The following KYNU variants were observed in gnomAD, a reference collection of about 807,000 sequenced individuals.
The protein encoded by KYNU is kynureninase.
In KYNU, 54 loss-of-function variants were observed where a neutral mutation model predicts 59.2. The observed-to-expected ratio is 0.91, with a 90% CI of 0.73 to 1.14. KYNU has a LOEUF of 1.14. KYNU is among the 50% of genes most tolerant of loss of function. KYNU has a pLI of 0.00. For synonymous variants in KYNU, 177 were observed against 192.0 expected (o/e 0.92, Z 0.65); for missense variants, 567 against 554.4 (o/e 1.02, Z -0.23).
chr2:143,015,119 G>A (rs1686211557), intron 10 of KYNU, among the ~76,000 whole-genome samples: 1 of 152,062 alleles, frequency 6.6e-6, no homozygotes, highest in Non-Finnish European at 1.5e-5. Context: ...TCAAACTCCT[G>A]CCTTCAAGCA....
intron 4 of KYNU, among the ~76,000 whole-genome samples, chr2:142,948,680 T>C (rs1481662825): frequency 2.0e-5 from 3 of 152,170 alleles, no homozygotes; most frequent in African/African-American, 2.4e-5. Context: ...CTTGATTCAA[T>C]TACTTCCCAC....
At position 143,020,504 on chromosome 2, in the gene KYNU, C is replaced by T. The variant is rs573819862; in HGVS notation, c.903-9123C>T. Among the ~76,000 whole-genome samples the T allele has an allele frequency of 2.0e-5, 3 of 152,210 alleles. No individual in the cohort carries two copies. The East Asian group carries it at 5.8e-4, about 29-fold the overall frequency. Reference sequence around the variant, plus strand: ...TGATCAGAAAAGATACTTGATATGACTGCAACATTTTAAAAGTTGTTGAGA... The same window carrying T: ...TGATCAGAAAAGATACTTGATATGATTGCAACATTTTAAAAGTTGTTGAGA... On this transcript the variant is annotated intron_variant, in intron 10 of 13. Coordinates refer to ENST00000264170, the MANE Select transcript of KYNU (RefSeq NM_003937.3).
Position 143,049,615 on chromosome 2 carries a change from C to G in KYNU, c.*7443C>G, listed in dbSNP as rs1165839937. 6.6e-6 allele frequency: 1 copy of G among 152,216 alleles called. No homozygotes were observed. The highest frequency in any genetic ancestry group is 1.5e-5 in the Non-Finnish European group (1 of 68,072). 9.4% of individuals were successfully genotyped at this position (152,216 alleles called of 1,614,324 possible). On this transcript the variant is annotated 3_prime_UTR_variant, in exon 14 of 14. Coordinates refer to ENST00000264170, the MANE Select transcript of KYNU (RefSeq NM_003937.3). ...CTTTTGGTGATCCCCTTCACTTCCT[C>G]TGTTACAGGTTTCCCTGATGAGCAC...
intron 3 of KYNU, among the ~76,000 whole-genome samples, chr2:142,926,474 ATAAG>A (rs1214216912): frequency 6.6e-6 from 1 of 152,236 alleles, no homozygotes; most frequent in Non-Finnish European, 1.5e-5. Context: ...ATTACTTGGC[ATAAG>A]TAAGGAGGAC....
chr2:142,985,109 C>A lies in KYNU; in HGVS notation c.755C>A (p.Ala252Glu). The change falls in exon 9 of 14, where the codon GCA becomes GAA. Residue 252 changes from alanine to glutamate, a missense_variant. Transcript: ENST00000264170. ...AKGCYVGFDL[A>E]HAVGNVELYL... ...GGTTGTTATGTTGGCTTTGATCTAG[C>A]ACATGCAGTTGGAAATGTTGAACTC... 6.2e-7 allele frequency: 1 copy of A among 1,610,108 alleles called. No individual in the cohort carries two copies. Among genetic ancestry groups the A allele is most frequent in the Non-Finnish European group, 8.5e-7 (1 of 1,176,842 alleles).
rs186791359 is a variant in KYNU at position 142,915,196 on chromosome 2, A to G, written c.170-3413A>G. 1.1e-3 allele frequency among the ~76,000 whole-genome samples: 160 copies of G among 152,338 alleles called. No individual in the cohort carries two copies. In the Middle Eastern group the frequency reaches 0.014, roughly 13 times the overall value. On this transcript the variant is annotated intron_variant, in intron 2 of 13. Transcript: ENST00000264170. The stretch of plus-strand genomic sequence containing the variant: ...GGTGGTAGTGAGCAGATCGTGAGAC[A>G]TCAGCTTAAGTATTCATTAACTACT...
intron 4 of KYNU, among the ~76,000 whole-genome samples, chr2:142,929,512 T>C (rs147605980): frequency 3.3e-5 from 5 of 152,220 alleles, no homozygotes; most frequent in Admixed American, 3.3e-4. Context: ...CTGTAAAATA[T>C]TCTGAGCCAA....
chr2:142,877,676 A>C lies in KYNU; in HGVS notation c.-80A>C, dbSNP rs1681143181. 1.3e-5 allele frequency: 2 copies of C among 152,090 alleles called. No homozygotes were observed. The highest frequency in any genetic ancestry group is 4.8e-5 in the African/African-American group (2 of 41,420). The allele number at this position is 152,090 out of a possible 1,614,324, so 9.4% of individuals were successfully genotyped here. On this transcript the variant is annotated 5_prime_UTR_variant, in exon 1 of 14. Transcript: ENST00000264170. ...AGATCTGGCCTGTACATTTTCAAGG[A>C]ATTCTTGAGAGGTTCTTGGAGAGAT...
intron 2 of KYNU, among the ~76,000 whole-genome samples, chr2:142,916,862 G>C (rs1682683013): frequency 6.6e-6 from 1 of 152,162 alleles, no homozygotes; most frequent in Admixed American, 6.6e-5. Context: ...AACAGGACAT[G>C]TGTTAATCAA....
chr2:142,914,944 T>C (rs1379807915), intron 2 of KYNU, among the ~76,000 whole-genome samples: 2 of 152,214 alleles, frequency 1.3e-5, no homozygotes, highest in East Asian at 3.8e-4. Context: ...CTGCAGGCTC[T>C]AAGAGCCGGG....
chr2:142,902,730 T>A (rs1307043441), intron 2 of KYNU, among the ~76,000 whole-genome samples: 1 of 152,206 alleles, frequency 6.6e-6, no homozygotes, highest in Non-Finnish European at 1.5e-5. Flanking sequence ...ACAAGGTTTT[T>A]TCAACAGGCA....
At chr2:143,038,708 C>A (rs1282540658) in intron 12 of KYNU, among the ~76,000 whole-genome samples, 1 of 152,110 alleles carries the variant, frequency 6.6e-6, no homozygotes, top group African/African-American at 2.4e-5. Flanking sequence ...CAGTTCCCAG[C>A]CTCTCCTTCA....
chr2:142,956,191 A>G lies in KYNU; in HGVS notation c.436-12A>G. 6.8e-7 allele frequency: 1 copy of G among 1,460,728 alleles called. No homozygotes were observed. The highest frequency in any genetic ancestry group is 1.1e-5 in the South Asian group (1 of 87,568). 90.5% of individuals were successfully genotyped at this position (1,460,728 alleles called of 1,614,324 possible). A position where few individuals can be genotyped will look rare whatever the true frequency, so the allele number is the denominator to read the frequency against. ...GTATTAATGCTTTCTCAATAAATCC[A>G]TTTTATTGCAGTTATCATTTTTTAA... On this transcript the variant is annotated splice_polypyrimidine_tract_variant and intron_variant, in intron 5 of 13. Coordinates refer to ENST00000264170, the MANE Select transcript of KYNU (RefSeq NM_003937.3).
chr2:143,021,427 T>A (rs1235795570), intron 10 of KYNU, among the ~76,000 whole-genome samples: 4 of 152,202 alleles, frequency 2.6e-5, no homozygotes, highest in African/African-American at 9.7e-5. Context: ...TTTCTCACAT[T>A]GCTATAAAGA....
At chr2:142,986,778 A>G (rs1447850184) in intron 10 of KYNU, among the ~76,000 whole-genome samples, 1 of 151,738 alleles carries the variant, frequency 6.6e-6, no homozygotes, top group East Asian at 1.9e-4. Context: ...GAGACTGTCT[A>G]GACTCCTAAT....
At chr2:142,984,903 A>G (rs1310156722) in intron 8 of KYNU, among the ~76,000 whole-genome samples, 181 bp from the exon 9 acceptor site, 1 of 151,980 alleles carries the variant, frequency 6.6e-6, no homozygotes, top group Non-Finnish European at 1.5e-5. Flanking sequence ...AATTGCTTTG[A>G]TCTGGTGGGC....
intron 1 of KYNU, among the ~76,000 whole-genome samples, chr2:142,880,520 T>C (rs1681258780): frequency 6.6e-6 from 1 of 152,234 alleles, no homozygotes; most frequent in Non-Finnish European, 1.5e-5. Flanking sequence ...CTTTGAAAAA[T>C]GAGTCATTCT....
intron 8 of KYNU, among the ~76,000 whole-genome samples, chr2:142,968,709 T>C (rs1334864781): frequency 6.6e-6 from 1 of 152,032 alleles, no homozygotes; most frequent in Non-Finnish European, 1.5e-5. Context: ...AGCCTAGGAG[T>C]TCGAGACCAG....
chr2:142,960,717 T>C lies in KYNU; in HGVS notation c.676T>C (p.Tyr226His), dbSNP rs1196979253. Residue 226 changes from tyrosine to histidine, a missense_variant, in exon 8 of 14, where the codon TAC becomes CAC. By Grantham distance (83) the Tyr-to-His change is moderately conservative. Transcript: ENST00000264170. ...GATCCTGTTCAGTGGGGTGCATTTT[T>C]ACACTGGACAGCACTTTAATATTCC... is the stretch of plus-strand genomic sequence containing the variant. The part of the protein sequence containing the change: ...AVILFSGVHF[Y>H]TGQHFNIPAI... 1 of 1,613,994 alleles carries C rather than the reference T, an allele frequency of 6.2e-7. No individual in the cohort carries two copies. The highest frequency in any genetic ancestry group is 8.5e-7 in the Non-Finnish European group (1 of 1,179,942).
Sources: gnomAD v4.1 joint callset for allele counts (sites outside exome capture counted in the v4.1 genomes callset) on GRCh38, gnomAD v4.1.1 for gene constraint, MANE v1.5 for transcripts, NCBI Gene and HGNC (gene_info 2026-07-23, HGNC 2026-07-21) for gene names.